PCDHGA9: variants seen among roughly 807,000 people sequenced by gnomAD.
PCDHGA9 encodes the protein protocadherin gamma subfamily A, 9, also known as protocadherin gamma-A9.
Under a neutral mutation model 62.5 loss-of-function variants are expected in PCDHGA9, and 37 were observed. The ratio of observed to expected loss-of-function variants is 0.59; its 90% CI spans 0.46 to 0.78. The LOEUF is 0.78. Among genes scored for constraint, PCDHGA9 ranks in the 30% least tolerant of loss-of-function variants. The pLI is 0.00. For missense variants in PCDHGA9, 1,138 were observed against 1,166.2 expected, an observed-to-expected ratio of 0.98 and a Z score of 0.35; for synonymous variants, 459 against 484.6, an observed-to-expected ratio of 0.95 and a Z score of 0.69.
intron 2 of PCDHGA9, among the ~76,000 whole-genome samples, chr5:141,503,292 A>G (rs7710319): frequency 6.6e-6 from 1 of 151,928 alleles, no homozygotes; most frequent in African/African-American, 2.4e-5. Flanking sequence ...TGGTACATAG[A>G]AATTGCTCAA....
rs2099883795 is a variant in PCDHGA9 at position 141,511,444 on chromosome 5, A to C, written c.*271A>C. 3.0e-6 allele frequency: 2 copies of C among 665,362 alleles called. No individual in the cohort carries two copies. The highest frequency in any genetic ancestry group is 3.6e-5 in the African/African-American group (2 of 54,978). 41.2% of individuals were successfully genotyped at this position (665,362 alleles called of 1,614,324 possible). On this transcript the variant is annotated 3_prime_UTR_variant, in exon 4 of 4. Coordinates refer to ENST00000573521, the MANE Select transcript of PCDHGA9 (RefSeq NM_018921.3). ...GGGTAGTGGGGTTACTGTAGACACC[A>C]AGAACCATTTGCCACACCCCGTTTA...
At chr5:141,455,270 A>T (rs2098818132) in intron 1 of PCDHGA9, among the ~76,000 whole-genome samples, 1 of 151,958 alleles carries the variant, frequency 6.6e-6, no homozygotes, top group South Asian at 2.1e-4. Context: ...CTTCCCATTG[A>T]TTATTAACAT....
chr5:141,483,588 A>G (rs2099583207), intron 1 of PCDHGA9, among the ~76,000 whole-genome samples: 1 of 152,112 alleles, frequency 6.6e-6, no homozygotes, highest in African/African-American at 2.4e-5. Flanking sequence ...AACACCTAAT[A>G]GGTCAGGCTG....
In PCDHGA9 at chr5:141,490,084, G is replaced by A. The variant is rs772917260; in HGVS notation, c.2425-4723G>A. The A allele has an allele frequency of 4.3e-6, 7 of 1,614,104 alleles. No individual in the cohort carries two copies. ...CAACGGCCAACTAGACTATTCTTTT[G>A]GAGACCACACATCTGAGGCAGTGCG... On this transcript the variant is annotated intron_variant, in intron 1 of 3. Transcript: ENST00000573521. The surrounding 1 kb of genome is among the most constrained non-coding windows in gnomAD (Gnocchi z 5.4).
intron 1 of PCDHGA9, chr5:141,426,765 G>A (rs1343961009): frequency 1.8e-5 from 8 of 456,530 alleles, no homozygotes; most frequent in Non-Finnish European, 3.5e-5. Flanking sequence ...AGATGCAGAT[G>A]TAGGGCCTCA....
intron 2 of PCDHGA9, among the ~76,000 whole-genome samples, chr5:141,501,331 ACACC>A (rs747366952): frequency 1.4e-5 from 2 of 138,844 alleles, no homozygotes; most frequent in Non-Finnish European, 3.2e-5. Context: ...ACACACACAC[ACACC>A]CCAAACTCAA....
At position 141,487,370 on chromosome 5, in the gene PCDHGA9, T is replaced by C; in HGVS notation, c.2425-7437T>C. 6.2e-7 allele frequency: 1 copy of C among 1,614,232 alleles called. No individual in the cohort carries two copies. Among genetic ancestry groups the C allele is most frequent in the South Asian group, 1.1e-5 (1 of 91,080 alleles). On this transcript the variant is annotated intron_variant, in intron 1 of 3. Transcript: ENST00000573521. The surrounding 1 kb of genome is among the most constrained non-coding windows in gnomAD (Gnocchi z 5.0). ...ATGCTTTCCTGCTGGCACCTGTGCC[T>C]GTCTCACCAGATCTCGAAGGAGGGA... is the stretch of plus-strand genomic sequence containing the variant.
At chr5:141,418,127 A>T in intron 1 of PCDHGA9, 1 of 1,614,104 alleles carries the variant, frequency 6.2e-7, no homozygotes, top group Non-Finnish European at 8.5e-7. Context: ...GAAGGACCGA[A>T]TAGACCGTGA....
Position 141,432,521 on chromosome 5 carries a change from G to C in PCDHGA9, c.2424+27145G>C. ...CCGCTCCGCAGAGCCCGGCTACCTG[G>C]TGACCAAGGTGGTGGCGGTGGACAG... On this transcript the variant is annotated intron_variant, in intron 1 of 3. Transcript: ENST00000573521. The surrounding 1 kb of genome is among the most constrained non-coding windows in gnomAD (Gnocchi z 6.0). 1.2e-6 allele frequency: 2 copies of C among 1,614,112 alleles called. No individual in the cohort carries two copies. The highest frequency in any genetic ancestry group is 1.7e-6 in the Non-Finnish European group (2 of 1,180,028).
At chr5:141,458,987 C>A (rs2098958554) in intron 1 of PCDHGA9, among the ~76,000 whole-genome samples, 1 of 152,168 alleles carries the variant, frequency 6.6e-6, no homozygotes, top group Non-Finnish European at 1.5e-5. Context: ...CCTGCCTCAC[C>A]CTCCCAAAGT....
At position 141,431,790 on chromosome 5, in the gene PCDHGA9, C is replaced by G; in HGVS notation, c.2424+26414C>G. ...ACTGTTCTGGACGTGAACGACAATG[C>G]CCCAGAAGTGGTCCTCACCTCTCTC... On this transcript the variant is annotated intron_variant, in intron 1 of 3. Coordinates refer to ENST00000573521, the MANE Select transcript of PCDHGA9 (RefSeq NM_018921.3). The surrounding 1 kb of genome is among the most constrained non-coding windows in gnomAD (Gnocchi z 4.8). 1 of 1,614,186 alleles carries G rather than the reference C, an allele frequency of 6.2e-7. No homozygotes were observed. Among genetic ancestry groups the G allele is most frequent in the Non-Finnish European group, 8.5e-7 (1 of 1,180,016 alleles).
At chr5:141,428,305 G>A (rs751498223) in intron 1 of PCDHGA9, 8 of 694,348 alleles carry the variant, frequency 1.2e-5, no homozygotes, top group African/African-American at 1.8e-5. Flanking sequence ...GATTTACCTG[G>A]TCGTGGCCTT....
intron 1 of PCDHGA9, among the ~76,000 whole-genome samples, chr5:141,456,046 C>T (rs759479772): frequency 1.3e-5 from 2 of 151,904 alleles, no homozygotes; most frequent in Non-Finnish European, 2.9e-5. Context: ...TACAGGCGCC[C>T]ACCACCACGT....
intron 1 of PCDHGA9, among the ~76,000 whole-genome samples, chr5:141,467,591 T>C (rs765816743): frequency 3.3e-5 from 5 of 152,360 alleles, no homozygotes; most frequent in South Asian, 4.1e-4. Flanking sequence ...ATGCCATTTA[T>C]TAAGCACTTC....
chr5:141,407,949 C>T, intron 1 of PCDHGA9: 1 of 575,256 alleles, frequency 1.7e-6, no homozygotes, highest in Non-Finnish European at 2.8e-6. Context: ...CCGCTGTCGG[C>T]CAGTGCAGAG....
chr5:141,457,023 A>G (rs1339517071), intron 1 of PCDHGA9, among the ~76,000 whole-genome samples: 1 of 152,228 alleles, frequency 6.6e-6, no homozygotes, highest in Non-Finnish European at 1.5e-5. Flanking sequence ...AAAAAGTCCT[A>G]GTAGACTCAG....
chr5:141,424,797 C>G (rs1262781875), intron 1 of PCDHGA9: 1 of 151,908 alleles, frequency 6.6e-6, no homozygotes, highest in Non-Finnish European at 1.5e-5. Flanking sequence ...TTATTCAGAC[C>G]AACTTGTTAT....
intron 3 of PCDHGA9, among the ~76,000 whole-genome samples, chr5:141,508,629 T>C (rs934648689): frequency 6.6e-6 from 1 of 152,054 alleles, no homozygotes; most frequent in Non-Finnish European, 1.5e-5. Context: ...GGGCCGAGCT[T>C]CTAGCTACTC....
intron 2 of PCDHGA9, among the ~76,000 whole-genome samples, chr5:141,500,900 C>T (rs1309164700): frequency 4.0e-5 from 6 of 150,642 alleles, no homozygotes; most frequent in South Asian, 2.1e-4. Flanking sequence ...GAGACAGTCT[C>T]GCTCTGTCTC....
Sources: allele counts gnomAD v4.1 joint callset (sites outside exome capture counted in the v4.1 genomes callset), GRCh38; gene constraint gnomAD v4.1.1; non-coding constraint Gnocchi (gnomAD v3.1); transcripts MANE v1.5; gene names NCBI Gene and HGNC (gene_info 2026-07-23, HGNC 2026-07-21).